The following LUZP2 variants were observed in gnomAD, a reference collection of about 807,000 sequenced individuals.
LUZP2 encodes the protein leucine zipper protein 2.
LUZP2 carries 52 observed loss-of-function variants against 51.6 expected under a neutral mutation model. The observed-to-expected ratio is 1.01, with a 90% CI of 0.81 to 1.27. LUZP2 has a LOEUF of 1.27. Among genes scored for constraint, LUZP2 ranks in the 50% most tolerant of loss-of-function variants. LUZP2 has a pLI of 0.00. For missense variants in LUZP2, 436 were observed against 395.4 expected, an observed-to-expected ratio of 1.10 and a Z score of -0.87; for synonymous variants, 154 against 137.3, an observed-to-expected ratio of 1.12 and a Z score of -0.85.
At chr11:24,790,385 A>T (rs1849373874) in intron 5 of LUZP2, among the ~76,000 whole-genome samples, 1 of 152,148 alleles carries the variant, frequency 6.6e-6, no homozygotes, top group African/African-American at 2.4e-5. Flanking sequence ...GAAACAGTTG[A>T]CTATGCTCAC....
intron 9 of LUZP2, among the ~76,000 whole-genome samples, chr11:25,040,260 C>T (rs1204076031): frequency 6.7e-6 from 1 of 149,866 alleles, no homozygotes; most frequent in Non-Finnish European, 1.5e-5. Context: ...ATAAAGCAAG[C>T]TTTAATAAAA....
chr11:25,016,865 G>A (rs2133967296), intron 9 of LUZP2, among the ~76,000 whole-genome samples: 1 of 152,084 alleles, frequency 6.6e-6, no homozygotes, highest in Admixed American at 6.5e-5. Flanking sequence ...TTTTCATAGA[G>A]GTTATATTAA....
At chr11:25,039,532 C>T (rs1407952959) in intron 9 of LUZP2, among the ~76,000 whole-genome samples, 4 of 152,092 alleles carry the variant, frequency 2.6e-5, no homozygotes, top group African/African-American at 7.2e-5. Flanking sequence ...GGTGGGAGGG[C>T]GCTTATGGCC....
chr11:25,054,411 T>C (rs1858615790), intron 10 of LUZP2, among the ~76,000 whole-genome samples: 1 of 152,156 alleles, frequency 6.6e-6, no homozygotes, highest in Non-Finnish European at 1.5e-5. Flanking sequence ...GCACACTGAT[T>C]TTTTTTCTTA....
chr11:24,853,389 C>G (rs1286634239), intron 5 of LUZP2, among the ~76,000 whole-genome samples: 2 of 151,796 alleles, frequency 1.3e-5, no homozygotes, highest in Non-Finnish European at 2.9e-5. Context: ...TCTCTGATAT[C>G]TTTTCTTCTG....
At chr11:24,819,903 T>C (rs1187735687) in intron 5 of LUZP2, among the ~76,000 whole-genome samples, 1 of 152,026 alleles carries the variant, frequency 6.6e-6, no homozygotes, top group Non-Finnish European at 1.5e-5. Context: ...GCACAGAAAA[T>C]GAAAATGACA....
chr11:24,706,871 C>G (rs997317638), intron 1 of LUZP2, among the ~76,000 whole-genome samples: 1 of 151,824 alleles, frequency 6.6e-6, no homozygotes, highest in Non-Finnish European at 1.5e-5. Context: ...CTTCAGGGAA[C>G]CTCTCTCTTC....
chr11:25,025,306 T>G (rs1425703582), intron 9 of LUZP2, among the ~76,000 whole-genome samples: 1 of 152,022 alleles, frequency 6.6e-6, no homozygotes, highest in Non-Finnish European at 1.5e-5. Context: ...GGGATCTAAT[T>G]AAACTAAAGA....
intron 5 of LUZP2, among the ~76,000 whole-genome samples, chr11:24,798,004 A>G (rs1849592953): frequency 1.3e-5 from 2 of 152,130 alleles, no homozygotes; most frequent in Admixed American, 6.6e-5. Flanking sequence ...GAACAGGACA[A>G]ATTTTCCAAA....
At chr11:24,598,116 A>G (rs1198448572) in intron 1 of LUZP2, among the ~76,000 whole-genome samples, 4 of 149,948 alleles carry the variant, frequency 2.7e-5, no homozygotes, top group African/African-American at 5.0e-5. Flanking sequence ...AAAAAAAAAA[A>G]GAGAGAGACA....
chr11:24,758,536 CAT>C (rs1409144206), intron 4 of LUZP2, among the ~76,000 whole-genome samples: 1 of 151,950 alleles, frequency 6.6e-6, no homozygotes, highest in Non-Finnish European at 1.5e-5. Context: ...TAAATTAACA[CAT>C]ATTTATAACT....
intron 1 of LUZP2, among the ~76,000 whole-genome samples, chr11:24,714,950 C>T (rs1857980734): frequency 6.6e-6 from 1 of 152,118 alleles, no homozygotes; most frequent in Non-Finnish European, 1.5e-5. Flanking sequence ...ACAGACCCCT[C>T]TGCACACTTT....
intron 7 of LUZP2, among the ~76,000 whole-genome samples, chr11:24,956,261 G>A (rs1855206046): frequency 6.6e-6 from 1 of 151,880 alleles, no homozygotes; most frequent in African/African-American, 2.4e-5. Flanking sequence ...CACAAGCAAG[G>A]AATGCAGGCA....
intron 6 of LUZP2, among the ~76,000 whole-genome samples, chr11:24,908,444 A>C (rs1053625920): frequency 8.5e-5 from 13 of 152,206 alleles, no homozygotes; most frequent in Admixed American, 5.2e-4. Context: ...GTCTTTTTAT[A>C]TAGACAATGT....
intron 5 of LUZP2, among the ~76,000 whole-genome samples, chr11:24,856,375 A>T (rs1468729804): frequency 6.6e-6 from 1 of 152,174 alleles, no homozygotes; most frequent in Non-Finnish European, 1.5e-5. Flanking sequence ...AATTAAAACC[A>T]AAATGAGATA....
chr11:24,626,173 G>A (rs1854674395), intron 1 of LUZP2, among the ~76,000 whole-genome samples: 1 of 152,072 alleles, frequency 6.6e-6, no homozygotes, highest in Non-Finnish European at 1.5e-5. Flanking sequence ...TCAACAAATG[G>A]CAGCCATCTC....
intron 10 of LUZP2, among the ~76,000 whole-genome samples, chr11:25,064,877 A>G (rs1294432341): frequency 6.6e-6 from 1 of 152,014 alleles, no homozygotes; most frequent in Non-Finnish European, 1.5e-5. Context: ...GACATTTGTG[A>G]CTTCGCGAAT....
Position 24,572,355 on chromosome 11 carries a change from T to C in LUZP2, c.62+75050T>C, listed in dbSNP as rs1489144123. On this transcript the variant is annotated intron_variant, in intron 1 of 11. Coordinates refer to ENST00000336930, the MANE Select transcript of LUZP2 (RefSeq NM_001009909.4). The stretch of plus-strand genomic sequence containing the variant: ...TTCAATCATATTATATAAGCCGTGA[T>C]AGTAATACAGGTCTCAAGCAATTCA... 2.0e-5 allele frequency among the ~76,000 whole-genome samples: 3 copies of C among 152,062 alleles called. No individual in the cohort carries two copies. The East Asian group carries it at 5.8e-4, about 29-fold the overall frequency.
chr11:25,070,037 A>G (rs7117697), intron 10 of LUZP2, among the ~76,000 whole-genome samples: 136,511 of 151,820 alleles, frequency 0.9, 62,362 homozygotes, highest in Non-Finnish European at 0.98. Flanking sequence ...TACCTATGCA[A>G]ACATCCAAAT....
Sources: gnomAD v4.1 joint callset for allele counts (sites outside exome capture counted in the v4.1 genomes callset) on GRCh38, gnomAD v4.1.1 for gene constraint, MANE v1.5 for transcripts, NCBI Gene and HGNC (gene_info 2026-07-23, HGNC 2026-07-21) for gene names.